ASAP1: variants seen among roughly 807,000 people sequenced by gnomAD.
The protein encoded by ASAP1 is ArfGAP with SH3 domain, ankyrin repeat and PH domain 1.
ASAP1 carries 43 observed loss-of-function variants against 145.2 expected under a neutral mutation model. The ratio of observed to expected loss-of-function variants is 0.30; its 90% CI spans 0.23 to 0.38. ASAP1 has a LOEUF of 0.38. Among genes scored for constraint, ASAP1 ranks in the 10% least tolerant of loss-of-function variants. ASAP1 has a pLI of 1.00. For synonymous variants in ASAP1, 546 were observed against 515.5 expected, an observed-to-expected ratio of 1.06 and a Z score of -0.80; for missense variants, 1,018 against 1,355.3, an observed-to-expected ratio of 0.75 and a Z score of 3.91.
intron 27 of ASAP1, among the ~76,000 whole-genome samples, chr8:130,072,825 G>GTGCGTGTGCGCGCGTGCGCGCA: frequency 3.7e-5 from 2 of 54,098 alleles, no homozygotes; most frequent in South Asian, 6.9e-4. Flanking sequence ...GTGTGTGTGT[G>GTGCGTGTGCGCGCGTGCGCGCA]CGCGCGGGGG....
chr8:130,095,149 CTT>C (rs1412084165), intron 24 of ASAP1, among the ~76,000 whole-genome samples: 1 of 152,036 alleles, frequency 6.6e-6, no homozygotes, highest in Non-Finnish European at 1.5e-5. Context: ...CTAATTAAGT[CTT>C]TGTTTACTTA....
chr8:130,116,534 T>C lies in ASAP1; in HGVS notation c.2064+144A>G, dbSNP rs150235891. 9.3e-4 allele frequency: 656 copies of C among 708,470 alleles called. 2 individuals carry two copies. In the African/African-American group the frequency reaches 0.011, roughly 12 times the overall value. 43.9% of individuals were successfully genotyped at this position (708,470 alleles called of 1,614,324 possible). A position where few individuals can be genotyped will look rare whatever the true frequency, so the allele number is the denominator to read the frequency against. On this transcript the variant is annotated intron_variant, in intron 22 of 29. Coordinates refer to ENST00000518721, the MANE Select transcript of ASAP1 (RefSeq NM_018482.4). ...TTTATCATTTTACCACTTTTTCTAATGTAGCACATTGCTCATCTGATTTTC... is the reference window on the plus strand; with the variant it reads ...TTTATCATTTTACCACTTTTTCTAACGTAGCACATTGCTCATCTGATTTTC...
intron 24 of ASAP1, among the ~76,000 whole-genome samples, chr8:130,106,308 A>G (rs1053300155): frequency 1.3e-5 from 2 of 152,210 alleles, no homozygotes; most frequent in African/African-American, 4.8e-5. Context: ...ACCGCAGGAA[A>G]CTGTAAAGTC....
chr8:130,114,258 C>G (rs1244241318), intron 23 of ASAP1, among the ~76,000 whole-genome samples: 1 of 152,182 alleles, frequency 6.6e-6, no homozygotes, highest in Non-Finnish European at 1.5e-5. Context: ...GGAGAGCCTA[C>G]TACACACCTA....
chr8:130,420,511 A>C (rs1331910491), intron 1 of ASAP1, among the ~76,000 whole-genome samples: 3 of 152,194 alleles, frequency 2.0e-5, no homozygotes, highest in Non-Finnish European at 2.9e-5. Context: ...AGGAGGTGGA[A>C]ACAACCCAAA....
At chr8:130,383,338 G>C (rs886443530) in intron 2 of ASAP1, among the ~76,000 whole-genome samples, 1 of 152,084 alleles carries the variant, frequency 6.6e-6, no homozygotes, top group Admixed American at 6.6e-5. Context: ...ACTTTTTGTC[G>C]AAAATAAATT....
chr8:130,252,804 A>G (rs1433971470), intron 3 of ASAP1, among the ~76,000 whole-genome samples: 2 of 152,162 alleles, frequency 1.3e-5, no homozygotes, highest in Non-Finnish European at 2.9e-5. Context: ...AAGACCAAAA[A>G]AATACTCATG....
At chr8:130,105,338 T>C (rs1489623935) in intron 24 of ASAP1, among the ~76,000 whole-genome samples, 2 of 152,246 alleles carry the variant, frequency 1.3e-5, no homozygotes, top group Non-Finnish European at 2.9e-5. Context: ...GTGTAGGTTA[T>C]ATGCAAATAC....
At chr8:130,087,988 CTT>C (rs1215696530) in intron 25 of ASAP1, among the ~76,000 whole-genome samples, 1 of 152,114 alleles carries the variant, frequency 6.6e-6, no homozygotes, top group Admixed American at 6.6e-5. Flanking sequence ...GGATGTGACT[CTT>C]TGGGGGTCAG....
chr8:130,261,388 C>T (rs1281545174), intron 3 of ASAP1, among the ~76,000 whole-genome samples: 3 of 152,184 alleles, frequency 2.0e-5, no homozygotes, highest in Non-Finnish European at 4.4e-5. Flanking sequence ...GCTACTTGCA[C>T]CTAATGTGAT....
chr8:130,145,309 CTATGGCA>C (rs558475120), intron 13 of ASAP1, among the ~76,000 whole-genome samples: 5 of 152,142 alleles, frequency 3.3e-5, no homozygotes, highest in Non-Finnish European at 5.9e-5. Flanking sequence ...AACATCTGAG[CTATGGCA>C]TATGTTTTTT....
chr8:130,428,536 C>T lies in ASAP1; in HGVS notation c.-28+14924G>A, dbSNP rs868517243. 1.6e-4 allele frequency among the ~76,000 whole-genome samples: 19 copies of T among 117,268 alleles called. 1 individual carries two copies. The highest frequency in any genetic ancestry group is 0.011 in the Middle Eastern group (2 of 188). 76.9% of individuals were successfully genotyped at this position (117,268 alleles called of 152,430 possible). ...TCAGCAGTGGCAGCAGCACCACTATCATCACCATCATATAACTACCACCAT... is the reference window on the plus strand; with the variant it reads ...TCAGCAGTGGCAGCAGCACCACTATTATCACCATCATATAACTACCACCAT... On this transcript the variant is annotated intron_variant, in intron 1 of 29. Transcript: ENST00000518721.
At chr8:130,438,646 A>G (rs77369735) in intron 1 of ASAP1, among the ~76,000 whole-genome samples, 225 of 152,266 alleles carry the variant, frequency 1.5e-3, no homozygotes, top group African/African-American at 5.2e-3. Flanking sequence ...ATTTTTTTCA[A>G]GAGGCTGGGT....
chr8:130,423,990 T>G (rs986699833), intron 1 of ASAP1, among the ~76,000 whole-genome samples: 1 of 152,214 alleles, frequency 6.6e-6, no homozygotes, highest in African/African-American at 2.4e-5. Flanking sequence ...TAAAATTGAC[T>G]GCGGCGATGG....
In ASAP1 at chr8:130,382,712, C is replaced by T. The variant is rs572880094; in HGVS notation, c.59+19173G>A. 1.4e-4 allele frequency among the ~76,000 whole-genome samples: 22 copies of T among 151,904 alleles called. No homozygotes were observed. The South Asian group carries it at 2.1e-3, about 14-fold the overall frequency. ...AAATACAAAAATTAGCTGGGCATGG[C>T]GGCACACCTGTAATCCCAGCTACTC... On this transcript the variant is annotated intron_variant, in intron 2 of 29. Transcript: ENST00000518721.
intron 29 of ASAP1, among the ~76,000 whole-genome samples, chr8:130,057,678 G>A (rs1297099528): frequency 2.0e-5 from 3 of 152,128 alleles, no homozygotes; most frequent in African/African-American, 2.4e-5. Flanking sequence ...TCGAACTCCC[G>A]ACCTCGAGAT....
chr8:130,061,409 T>C (rs551431954), intron 27 of ASAP1, among the ~76,000 whole-genome samples: 2 of 152,380 alleles, frequency 1.3e-5, no homozygotes, highest in African/African-American at 4.8e-5. Context: ...AATTCTTTTA[T>C]ATAGTTCCTT....
At chr8:130,251,481 C>T (rs1258187420) in intron 3 of ASAP1, among the ~76,000 whole-genome samples, 1 of 151,678 alleles carries the variant, frequency 6.6e-6, no homozygotes, top group African/African-American at 2.4e-5. Context: ...AGTTAGGCCT[C>T]AAAAAAATAT....
chr8:130,195,643 A>T (rs910848340), intron 5 of ASAP1, among the ~76,000 whole-genome samples: 1 of 152,190 alleles, frequency 6.6e-6, no homozygotes, highest in Non-Finnish European at 1.5e-5. Context: ...TAGTACATAC[A>T]TCAAGCCTAA....
Sources: allele counts gnomAD v4.1 joint callset (sites outside exome capture counted in the v4.1 genomes callset), GRCh38; gene constraint gnomAD v4.1.1; transcripts MANE v1.5; gene names NCBI Gene and HGNC (gene_info 2026-07-23, HGNC 2026-07-21).